MAGI2: variants seen among roughly 807,000 people sequenced by gnomAD.
The protein encoded by MAGI2 is membrane-associated guanylate kinase, WW and PDZ domain-containing protein 2.
MAGI2 carries 35 observed loss-of-function variants against 133.3 expected under a neutral mutation model. That is an observed-to-expected ratio of 0.26 (90% CI 0.20 to 0.35). The LOEUF (loss-of-function observed/expected upper bound fraction) is 0.35. Among genes scored for constraint, MAGI2 ranks in the 10% least tolerant of loss-of-function variants. The pLI is 1.00. For synonymous variants in MAGI2, 729 were observed against 710.6 expected (o/e 1.03, Z -0.41); for missense variants, 1,636 against 1,863.4 (o/e 0.88, Z 2.25).
intron 1 of MAGI2, among the ~76,000 whole-genome samples, chr7:79,129,479 G>A (rs904807831): frequency 3.3e-5 from 5 of 152,088 alleles, no homozygotes; most frequent in Admixed American, 1.3e-4. Context: ...CAACTTTCAG[G>A]ATTATTAAAT....
At chr7:79,090,678 G>A (rs1485006551) in intron 1 of MAGI2, among the ~76,000 whole-genome samples, 1 of 152,148 alleles carries the variant, frequency 6.6e-6, no homozygotes, top group Non-Finnish European at 1.5e-5. Flanking sequence ...TTTGTGGTTA[G>A]ACAGGAAATT....
At chr7:78,344,044 C>G in intron 8 of MAGI2, 84 bp from the exon 9 acceptor site, 1 of 1,277,816 alleles carries the variant, frequency 7.8e-7, no homozygotes, top group Non-Finnish European at 1.1e-6. Flanking sequence ...CCCTGAGCAG[C>G]GACAATCCCA....
chr7:78,474,699 C>T (rs537742786), intron 6 of MAGI2, among the ~76,000 whole-genome samples: 2 of 151,940 alleles, frequency 1.3e-5, no homozygotes, highest in South Asian at 4.1e-4. Context: ...CATACATATA[C>T]TAATGAAGAC....
intron 3 of MAGI2, among the ~76,000 whole-genome samples, chr7:78,550,883 TA>T (rs1428494962): frequency 2.8e-4 from 43 of 152,180 alleles, no homozygotes; most frequent in Admixed American, 2.3e-3. Context: ...ATTGGAATTA[TA>T]CAGAACTTCT....
intron 1 of MAGI2, among the ~76,000 whole-genome samples, chr7:79,377,513 T>C (rs1337917900): frequency 6.6e-6 from 1 of 151,840 alleles, no homozygotes; most frequent in African/African-American, 2.4e-5. Context: ...ATATTGGCAA[T>C]GAAGCCACGT....
chr7:78,533,812 T>A (rs1055828333), intron 3 of MAGI2, among the ~76,000 whole-genome samples: 6 of 152,194 alleles, frequency 3.9e-5, no homozygotes, highest in Non-Finnish European at 8.8e-5. Context: ...CAACTACTAG[T>A]AAGTAATGAT....
chr7:78,990,848 G>A (rs1403463341), intron 2 of MAGI2, among the ~76,000 whole-genome samples: 1 of 151,104 alleles, frequency 6.6e-6, no homozygotes, highest in Non-Finnish European at 1.5e-5. Flanking sequence ...ATATCCACCT[G>A]CACAGGTGTT....
chr7:78,040,164 C>G (rs1250034458), intron 21 of MAGI2, among the ~76,000 whole-genome samples: 1 of 152,212 alleles, frequency 6.6e-6, no homozygotes, highest in African/African-American at 2.4e-5. Flanking sequence ...TGAGACAGCT[C>G]GTTGTGCTCT....
At chr7:78,784,766 T>C (rs1826672448) in intron 2 of MAGI2, among the ~76,000 whole-genome samples, 1 of 152,196 alleles carries the variant, frequency 6.6e-6, no homozygotes, top group African/African-American at 2.4e-5. Flanking sequence ...CTCTGTATAT[T>C]TGGGTCTTTC....
intron 2 of MAGI2, among the ~76,000 whole-genome samples, chr7:78,812,507 T>C (rs977322998): frequency 1.3e-5 from 2 of 152,038 alleles, no homozygotes; most frequent in Non-Finnish European, 1.5e-5. Flanking sequence ...ACCAGCCCAA[T>C]ATGGTAGCAT....
intron 20 of MAGI2, among the ~76,000 whole-genome samples, chr7:78,116,173 A>G (rs969959511): frequency 1.3e-5 from 2 of 152,220 alleles, no homozygotes; most frequent in Non-Finnish European, 2.9e-5. Flanking sequence ...ATCCCCATAC[A>G]GTCAGAAATA....
chr7:79,270,222 A>G (rs1042253174), intron 1 of MAGI2, among the ~76,000 whole-genome samples: 1 of 152,036 alleles, frequency 6.6e-6, no homozygotes, highest in African/African-American at 2.4e-5. Flanking sequence ...GTCCATAAAA[A>G]CCCTAACCTC....
intron 2 of MAGI2, among the ~76,000 whole-genome samples, chr7:78,999,195 C>G (rs189559405): frequency 2.0e-3 from 298 of 151,912 alleles, no homozygotes; most frequent in African/African-American, 6.9e-3. Context: ...AGGGAAAAAA[C>G]AAAGGAAAGA....
In MAGI2 at chr7:78,662,059, T is replaced by A. The variant is rs80145833; in HGVS notation, c.419-34820A>T. On this transcript the variant is annotated intron_variant, in intron 2 of 21. Coordinates refer to ENST00000354212, the MANE Select transcript of MAGI2 (RefSeq NM_012301.4). Reference sequence around the variant, plus strand: ...CATCACAGATCTGCAGACATAAACATCACAAAAATGTCTGAGATGTAGAGT... The same window carrying A: ...CATCACAGATCTGCAGACATAAACAACACAAAAATGTCTGAGATGTAGAGT... Among the ~76,000 whole-genome samples the A allele has an allele frequency of 2.2e-3, 333 of 152,184 alleles. 1 individual carries two copies. The highest frequency in any genetic ancestry group is 7.8e-3 in the African/African-American group (324 of 41,524).
intron 2 of MAGI2, among the ~76,000 whole-genome samples, chr7:78,702,162 T>C (rs1169706559): frequency 6.6e-6 from 1 of 151,994 alleles, no homozygotes; most frequent in East Asian, 1.9e-4. Flanking sequence ...ACAGTACACA[T>C]GGTTGGTCTA....
chr7:78,209,661 TC>T lies in MAGI2; in HGVS notation c.2048-8469del, dbSNP rs141165753. Among the ~76,000 whole-genome samples, 1,472 of 152,260 alleles carry T rather than the reference TC, an allele frequency of 9.7e-3. 17 individuals carry two copies. The highest frequency in any genetic ancestry group is 0.032 in the African/African-American group (1,318 of 41,530). The stretch of plus-strand genomic sequence containing the variant: ...TATTTCAAATCTCCTTCTATTTACC[TC>T]CATGGCCACCATTGTAATTCACGCC... On this transcript the variant is annotated intron_variant, in intron 10 of 21. Coordinates refer to ENST00000354212, the MANE Select transcript of MAGI2 (RefSeq NM_012301.4).
chr7:79,252,411 T>C (rs1340873641), intron 1 of MAGI2, among the ~76,000 whole-genome samples: 6 of 151,960 alleles, frequency 3.9e-5, no homozygotes, highest in Non-Finnish European at 7.4e-5. Context: ...CTCACGGAGA[T>C]AGACAGTGGA....
chr7:78,308,130 T>C, intron 9 of MAGI2, among the ~76,000 whole-genome samples: 1 of 152,208 alleles, frequency 6.6e-6, no homozygotes, highest in East Asian at 1.9e-4. Flanking sequence ...GATGGTGAAA[T>C]TCACTGTCAA....
chr7:78,455,308 A>G (rs756861469), intron 6 of MAGI2, among the ~76,000 whole-genome samples: 2 of 152,170 alleles, frequency 1.3e-5, no homozygotes, highest in African/African-American at 4.8e-5. Flanking sequence ...ATCTGTTGTT[A>G]TACTGGTTTC....
Sources: allele counts gnomAD v4.1 joint callset (sites outside exome capture counted in the v4.1 genomes callset), GRCh38; gene constraint gnomAD v4.1.1; transcripts MANE v1.5; gene names NCBI Gene and HGNC (gene_info 2026-07-23, HGNC 2026-07-21).